Variants in MCPH1 observed in about 807,000 individuals in gnomAD.
MCPH1 encodes microcephalin.
In MCPH1, 104 loss-of-function variants were observed where a neutral mutation model predicts 84.5. The ratio of observed to expected loss-of-function variants is 1.23; its 90% confidence interval spans 1.05 to 1.45. The LOEUF is 1.45. Among genes scored for constraint, MCPH1 ranks in the 40% most tolerant of loss-of-function variants. The pLI is 0.00. For synonymous variants in MCPH1, 514 were observed against 366.8 expected (o/e 1.40, Z -4.58); for missense variants, 1,498 against 1,005.7 (o/e 1.49, Z -6.62).
chr8:6,419,148 C>G (rs1414103141), intron 3 of MCPH1, among the ~76,000 whole-genome samples: 82 of 85,776 alleles, frequency 9.6e-4, no homozygotes, highest in African/African-American at 3.7e-3. Context: ...CACACACACA[C>G]ACAGACACAC....
chr8:6,628,766 A>T (rs559689708), intron 13 of MCPH1, among the ~76,000 whole-genome samples: 1 of 152,208 alleles, frequency 6.6e-6, no homozygotes, highest in East Asian at 1.9e-4. Context: ...GCTGCCTTGC[A>T]GCTCTGAGGA....
chr8:6,578,883 C>G (rs1827326284), intron 12 of MCPH1, among the ~76,000 whole-genome samples: 1 of 152,242 alleles, frequency 6.6e-6, no homozygotes, highest in African/African-American at 2.4e-5. Flanking sequence ...GGTTGCTTCT[C>G]TGGCCCATGT....
At chr8:6,631,974 A>C (rs1797194034) in intron 13 of MCPH1, among the ~76,000 whole-genome samples, 1 of 152,256 alleles carries the variant, frequency 6.6e-6, no homozygotes, top group Admixed American at 6.5e-5. Flanking sequence ...AATGTGGTCT[A>C]TCCATACAGT....
intron 12 of MCPH1, among the ~76,000 whole-genome samples, chr8:6,565,084 G>A (rs1413442585): frequency 6.6e-6 from 1 of 152,168 alleles, no homozygotes; most frequent in Non-Finnish European, 1.5e-5. Context: ...AAGCATATAG[G>A]TCTTAAAGAT....
At chr8:6,587,216 G>C (rs1283820214) in intron 12 of MCPH1, among the ~76,000 whole-genome samples, 1 of 152,134 alleles carries the variant, frequency 6.6e-6, no homozygotes, top group African/African-American at 2.4e-5. Context: ...AAGGAAAAAT[G>C]ACTCACTGAA....
chr8:6,562,875 G>A (rs1825770983), intron 12 of MCPH1: 1 of 1,611,046 alleles, frequency 6.2e-7, no homozygotes, highest in South Asian at 1.1e-5. Flanking sequence ...TCCGAAAGTT[G>A]TTATAGGCTG....
At position 6,474,074 on chromosome 8, in the gene MCPH1, C is replaced by G. The variant is rs557965630; in HGVS notation, c.1936-3520C>G. ...TTCGTACAATATGTTGGCATCTATT[C>G]TCAACACAAAAACTATGTGAAACCA... On this transcript the variant is annotated intron_variant, in intron 9 of 13. Transcript: ENST00000344683. 3 of 791,188 alleles carry G rather than the reference C, an allele frequency of 3.8e-6. No individual in the cohort carries two copies. The East Asian group carries it at 7.3e-5, about 19-fold the overall frequency. 49.0% of individuals were successfully genotyped at this position (791,188 alleles called of 1,614,324 possible). A position where few individuals can be genotyped will look rare whatever the true frequency, so the allele number is the denominator to read the frequency against.
intron 12 of MCPH1, chr8:6,509,193 C>T: frequency 8.4e-7 from 1 of 1,189,160 alleles, no homozygotes. Flanking sequence ...AATGCATACT[C>T]TGGACAAAAT....
At chr8:6,526,767 T>C (rs1276749153) in intron 12 of MCPH1, among the ~76,000 whole-genome samples, 10 of 152,326 alleles carry the variant, frequency 6.6e-5, no homozygotes, top group Middle Eastern at 3.4e-3. Context: ...ATGTTGTATA[T>C]ACATGTCTTC....
chr8:6,641,613 G>T (rs1225721672), intron 13 of MCPH1, among the ~76,000 whole-genome samples: 1 of 152,128 alleles, frequency 6.6e-6, no homozygotes. Flanking sequence ...GTGTGGTGGT[G>T]CATACCTGTA....
intron 12 of MCPH1, among the ~76,000 whole-genome samples, chr8:6,545,568 G>C (rs905410723): frequency 6.6e-6 from 1 of 152,200 alleles, no homozygotes; most frequent in African/African-American, 2.4e-5. Flanking sequence ...CCAGCCATCT[G>C]ATGAGGGTTA....
At chr8:6,642,737 G>A in intron 13 of MCPH1, 1 of 541,052 alleles carries the variant, frequency 1.8e-6, no homozygotes, top group Non-Finnish European at 3.4e-6. Flanking sequence ...AACGTGCCCT[G>A]CATCTAATGG....
Position 6,499,895 on chromosome 8 carries a change from C to T in MCPH1, c.2180C>T (p.Pro727Leu), listed in dbSNP as rs199861426. The change falls in exon 12 of 14, where the codon CCG (proline) becomes CTG (leucine). Residue 727 changes from proline (P) to leucine (L), a missense_variant. Physicochemically the swap from Pro to Leu is moderately conservative, Grantham distance 98 (BLOSUM62 -3). Coordinates refer to ENST00000344683, the MANE Select transcript of MCPH1 (RefSeq NM_024596.5). Reference sequence around the variant, plus strand: ...TTGGGTCACTGGATTTCTGAGGAGCCGTTCGAACTGTCTCACCACTTCCCT... The same window carrying T: ...TTGGGTCACTGGATTTCTGAGGAGCTGTTCGAACTGTCTCACCACTTCCCT... The part of the protein sequence containing the change: ...LELGHWISEE[P>L]FELSHHFPAA... The T allele has an allele frequency of 1.1e-3, 1,817 of 1,613,522 alleles. 1 individual carries two copies. The highest frequency in any genetic ancestry group is 1.4e-3 in the Non-Finnish European group (1,659 of 1,179,974).
intron 12 of MCPH1, among the ~76,000 whole-genome samples, chr8:6,562,004 C>G (rs180764444): frequency 3.7e-4 from 57 of 152,290 alleles, no homozygotes; most frequent in African/African-American, 1.3e-3. Context: ...GGCTGCAGTG[C>G]TGAATACCTC....
intron 11 of MCPH1, among the ~76,000 whole-genome samples, chr8:6,481,868 T>G (rs1809286988): frequency 1.3e-5 from 2 of 152,236 alleles, no homozygotes; most frequent in Admixed American, 1.3e-4. Flanking sequence ...TCCAGGGTTT[T>G]GTTTTGTGTA....
At chr8:6,615,670 C>T (rs1259408072) in intron 12 of MCPH1, 1 of 152,168 alleles carries the variant, frequency 6.6e-6, no homozygotes, top group Non-Finnish European at 1.5e-5. Context: ...TTTTTGTATA[C>T]AATTCTATGA....
chr8:6,510,645 C>T (rs1814870990), intron 12 of MCPH1, among the ~76,000 whole-genome samples: 1 of 152,172 alleles, frequency 6.6e-6, no homozygotes, highest in Admixed American at 6.5e-5. Context: ...TGTCCGAGGT[C>T]AGACTCTTAA....
intron 12 of MCPH1, among the ~76,000 whole-genome samples, chr8:6,580,587 G>A (rs867249294): frequency 2.0e-5 from 3 of 152,166 alleles, no homozygotes; most frequent in Admixed American, 6.5e-5. Flanking sequence ...GGAGGCAGAC[G>A]TTGCAGTGAG....
intron 13 of MCPH1, among the ~76,000 whole-genome samples, chr8:6,624,255 C>T (rs1330151527): frequency 1.3e-5 from 2 of 152,226 alleles, no homozygotes; most frequent in Non-Finnish European, 2.9e-5. Flanking sequence ...TTTTTCTTTC[C>T]TCCTGTAACT....
Sources: gnomAD v4.1 joint callset for allele counts (sites outside exome capture counted in the v4.1 genomes callset) on GRCh38, gnomAD v4.1.1 for gene constraint, MANE v1.5 for transcripts, NCBI Gene and HGNC (gene_info 2026-07-23, HGNC 2026-07-21) for gene names.